The following RCC2 variants were observed in gnomAD, a reference collection of about 807,000 sequenced individuals.
The protein encoded by RCC2 is protein RCC2.
RCC2 carries 19 observed loss-of-function variants against 64.1 expected under a neutral mutation model. That is an observed-to-expected ratio of 0.30 (90% CI 0.21 to 0.44). The LOEUF is 0.44. Ranked by LOEUF, RCC2 falls within the 20% of genes least tolerant of loss-of-function variation. The probability of loss-of-function intolerance (pLI) is 1.00; values close to 1 mark genes in which losing one functional copy is unlikely to be tolerated. For missense variants in RCC2, 508 were observed against 710.4 expected (o/e 0.72, Z 3.24); for synonymous variants, 325 against 279.6 (o/e 1.16, Z -1.62).
At chr1:17,422,375 T>TA in intron 5 of RCC2, 84 bp from the exon 6 acceptor site, 1 of 1,264,450 alleles carries the variant, frequency 7.9e-7, no homozygotes, top group South Asian at 1.3e-5. Flanking sequence ...ATCAAAATAA[T>TA]AAAAACAGCT....
chr1:17,438,562 T>C, intron 1 of RCC2, 40 bp from the exon 2 acceptor site: 5 of 1,287,244 alleles, frequency 3.9e-6, no homozygotes, highest in Non-Finnish European at 4.9e-6. Flanking sequence ...AATGGACGGG[T>C]TATAAACTGC....
intron 4 of RCC2, 128 bp downstream of exon 4, chr1:17,425,411 CAT>C (rs1180100915): frequency 2.3e-6 from 2 of 884,522 alleles, no homozygotes; most frequent in Non-Finnish European, 3.3e-6. Flanking sequence ...GGAAAAAAGA[CAT>C]GGGCTGTGAA....
rs760568692 is a variant in RCC2, at chr1:17,422,785, G to C, written c.575C>G (p.Ala192Gly). 1.7e-5 allele frequency: 27 copies of C among 1,613,898 alleles called. No individual in the cohort carries two copies. In the South Asian group the frequency reaches 2.5e-4, roughly 15 times the overall value. The change falls in exon 5 of 13, where the codon GCC becomes GGC. Residue 192 changes from alanine (A) to glycine (G), a missense_variant. Physicochemically the swap from Ala to Gly is moderately conservative, Grantham distance 60 (BLOSUM62 0). Coordinates refer to ENST00000375436, the MANE Select transcript of RCC2 (RefSeq NM_018715.4). ...LGHGDTKRVE[A>G]PRLIEGLSHE... ...GCTAAGACCCTCGATGAGTCTAGGGGCTTCTACTCTCTTGGTGTCACCATG... is the reference window on the plus strand; with the variant it reads ...GCTAAGACCCTCGATGAGTCTAGGGCCTTCTACTCTCTTGGTGTCACCATG...
chr1:17,433,577 G>C (rs1214803976), intron 2 of RCC2, among the ~76,000 whole-genome samples: 3 of 152,192 alleles, frequency 2.0e-5, no homozygotes, highest in African/African-American at 7.2e-5. Flanking sequence ...CCACGCAGCA[G>C]ACAGCCTGGC....
chr1:17,414,002 G>C (rs1415601353), intron 8 of RCC2, among the ~76,000 whole-genome samples: 2 of 152,158 alleles, frequency 1.3e-5, no homozygotes, highest in Non-Finnish European at 2.9e-5. Context: ...GCCTCCAGCA[G>C]AAAGATCCTC....
chr1:17,419,129 T>TA (rs1486402260), intron 7 of RCC2, among the ~76,000 whole-genome samples: 6 of 151,834 alleles, frequency 4.0e-5, no homozygotes, highest in African/African-American at 1.4e-4. Context: ...CCGAGGCGGG[T>TA]AGATCACTTG....
At chr1:17,435,966 C>G (rs1438322716) in intron 2 of RCC2, among the ~76,000 whole-genome samples, 1 of 151,730 alleles carries the variant, frequency 6.6e-6, no homozygotes, top group African/African-American at 2.4e-5. Flanking sequence ...TGTGCACTTT[C>G]CATGAGGCAT....
chr1:17,420,864 A>C, intron 6 of RCC2, 36 bp from the exon 7 acceptor site: 1 of 1,353,636 alleles, frequency 7.4e-7, no homozygotes, highest in South Asian at 1.3e-5. Flanking sequence ...CATTTTTTTT[A>C]AAGACTGATA....
At chr1:17,437,930 A>C (rs1459086176) in intron 2 of RCC2, among the ~76,000 whole-genome samples, 1 of 143,378 alleles carries the variant, frequency 7.0e-6, no homozygotes, top group East Asian at 2.1e-4. Context: ...GGGCGGGGCC[A>C]TGACCCCCTC....
chr1:17,416,084 G>GA (rs2075480959), intron 8 of RCC2, among the ~76,000 whole-genome samples: 1 of 112,810 alleles, frequency 8.9e-6, no homozygotes, highest in African/African-American at 3.3e-5. Flanking sequence ...AAAAAGGGGG[G>GA]GGGGGCGGGG....
Position 17,413,719 on chromosome 1 carries a change from T to C in RCC2, c.1027-2A>G, listed in dbSNP as rs2075451302. 1 of 1,605,526 alleles carries C rather than the reference T, an allele frequency of 6.2e-7. No individual in the cohort carries two copies. The highest frequency in any genetic ancestry group is 8.5e-7 in the Non-Finnish European group (1 of 1,176,566). On this transcript the variant is annotated splice_acceptor_variant, in intron 8 of 12. Transcript: ENST00000375436. LOFTEE classifies it high-confidence loss of function. ...TCGCTTCTGGGAGTCCAGGACCAGCTGCAAGGAAAGAAAACACAGGGTTGG... is the reference window on the plus strand; with the variant it reads ...TCGCTTCTGGGAGTCCAGGACCAGCCGCAAGGAAAGAAAACACAGGGTTGG...
chr1:17,438,382 T>A lies in RCC2; in HGVS notation c.133A>T (p.Ser45Cys). The A allele has an allele frequency of 8.0e-7, 1 of 1,252,414 alleles. No individual in the cohort carries two copies. Among genetic ancestry groups the A allele is most frequent in the Non-Finnish European group, 1.0e-6 (1 of 1,003,214 alleles). The allele number at this position is 1,252,414 out of a possible 1,614,324, so 77.6% of individuals were successfully genotyped here. ...TCGCCGCTGCTGCCGCCGCCGCTGCTGCTACTGCAGCGCTCGGGCCGCTCG... is the reference window on the plus strand; with the variant it reads ...TCGCCGCTGCTGCCGCCGCCGCTGCAGCTACTGCAGCGCTCGGGCCGCTCG... ...KRERPERCSSSSGGGSSGDED... is the reference protein window; with the variant it reads ...KRERPERCSSCSGGGSSGDED... Residue 45 changes from serine (S) to cysteine (C), a missense_variant, in exon 2 of 13, where the codon AGC (serine) becomes TGC (cysteine). Ser to Cys is a moderately radical substitution (Grantham distance 112). Transcript: ENST00000375436.
intron 2 of RCC2, among the ~76,000 whole-genome samples, chr1:17,437,573 C>A (rs1300267239): frequency 3.1e-5 from 2 of 63,546 alleles, no homozygotes; most frequent in East Asian, 4.5e-4. Flanking sequence ...TACAACAGAG[C>A]CCTCGCGAGC....
chr1:17,417,150 C>T (rs1342423065), intron 7 of RCC2, among the ~76,000 whole-genome samples: 1 of 152,132 alleles, frequency 6.6e-6, no homozygotes, highest in Non-Finnish European at 1.5e-5. Flanking sequence ...TTATGAATTA[C>T]CAGTAACCTA....
At chr1:17,421,545 G>A (rs1306148004) in intron 6 of RCC2, among the ~76,000 whole-genome samples, 1 of 152,004 alleles carries the variant, frequency 6.6e-6, no homozygotes, top group African/African-American at 2.4e-5. Flanking sequence ...TAAGCATCTG[G>A]CTGGTGACTT....
chr1:17,424,719 A>G (rs2075593699), intron 4 of RCC2, among the ~76,000 whole-genome samples: 1 of 152,244 alleles, frequency 6.6e-6, no homozygotes, highest in Non-Finnish European at 1.5e-5. Context: ...AGCTAGCCAG[A>G]GGACCAGCGA....
At position 17,432,155 on chromosome 1, in the gene RCC2, T is replaced by G. The variant is rs531364592; in HGVS notation, c.286-2956A>C. ...CACGGAAAGGGAGAACAACTTTGGT[T>G]CATTTAAATTATTTAGAAAATGACC... On this transcript the variant is annotated intron_variant, in intron 2 of 12. Transcript: ENST00000375436. Among the ~76,000 whole-genome samples, 118 of 152,286 alleles carry G rather than the reference T, an allele frequency of 7.7e-4. 1 individual carries two copies. The highest frequency in any genetic ancestry group is 2.7e-3 in the African/African-American group (114 of 41,554).
intron 2 of RCC2, among the ~76,000 whole-genome samples, chr1:17,431,574 T>C (rs2100390972): frequency 6.8e-6 from 1 of 146,758 alleles, no homozygotes; most frequent in East Asian, 2.0e-4. Flanking sequence ...TTCTAACCTC[T>C]ACAGTGTGAT....
At chr1:17,418,558 G>A (rs997024705) in intron 7 of RCC2, among the ~76,000 whole-genome samples, 1 of 152,120 alleles carries the variant, frequency 6.6e-6, no homozygotes, top group East Asian at 1.9e-4. Flanking sequence ...TCAGGAGGCT[G>A]AGGCAGGAGA....
Sources: allele counts gnomAD v4.1 joint callset (sites outside exome capture counted in the v4.1 genomes callset), GRCh38; gene constraint gnomAD v4.1.1; transcripts MANE v1.5; gene names NCBI Gene and HGNC (gene_info 2026-07-23, HGNC 2026-07-21).